Variants in GJA3 observed in about 807,000 individuals in gnomAD.
GJA3 encodes the protein gap junction protein alpha 3, also known as gap junction alpha-3 protein.
For missense variants in GJA3, 571 were observed against 620.3 expected (o/e 0.92, Z 0.84); for synonymous variants, 297 against 292.6 (o/e 1.02, Z -0.15).
rs1958811917 is a variant in GJA3 at position 20,142,200 on chromosome 13, C to T, written c.1089G>A (p.Ala363=). Residue 363 remains alanine, a synonymous_variant, in exon 2 of 2, where the codon GCG becomes GCA. Coordinates refer to ENST00000241125, the MANE Select transcript of GJA3 (RefSeq NM_021954.4). Reference sequence around the variant, plus strand: ...GCGCCGCGCCCGCCTCAGCCTCGTGCGCGAGTGGCGGGGAGCTGCTGCCGA... The same window carrying T: ...GCGCCGCGCCCGCCTCAGCCTCGTGTGCGAGTGGCGGGGAGCTGCTGCCGA... ...SPVGSSSPPL[A]HEAEAGAAPL... 4 of 1,519,768 alleles carry T rather than the reference C, an allele frequency of 2.6e-6. No individual in the cohort carries two copies. The highest frequency in any genetic ancestry group is 1.2e-5 in the South Asian group (1 of 81,010). The allele number at this position is 1,519,768 out of a possible 1,614,324, so 94.1% of individuals were successfully genotyped here.
Position 20,141,721 on chromosome 13 carries a change from T to A in GJA3, c.*260A>T. The A allele has an allele frequency of 3.8e-6, 2 of 525,924 alleles. No homozygotes were observed. The highest frequency in any genetic ancestry group is 6.6e-6 in the Non-Finnish European group (2 of 304,396). 32.6% of individuals were successfully genotyped at this position (525,924 alleles called of 1,614,324 possible). On this transcript the variant is annotated 3_prime_UTR_variant, in exon 2 of 2. Coordinates refer to ENST00000241125, the MANE Select transcript of GJA3 (RefSeq NM_021954.4). ...CCAGATTTCTGGGCTGCTGTGAAGA[T>A]CTTAAAGGCCCACAACCCTTGTCCC...
chr13:20,154,932 C>T (rs1958899244), intron 1 of GJA3, among the ~76,000 whole-genome samples: 1 of 152,188 alleles, frequency 6.6e-6, no homozygotes. Flanking sequence ...CTCACTGTAA[C>T]TTTGAACTAC....
rs1421749535 is a variant in GJA3, at chr13:20,141,822, C to T, written c.*159G>A. On this transcript the variant is annotated 3_prime_UTR_variant, in exon 2 of 2. Transcript: ENST00000241125. ...TGCTAAGAACAGCAAGCATTGAACA[C>T]GGAAACCTGATCTCTCCTCCATCGT... The T allele has an allele frequency of 1.3e-5, 14 of 1,091,600 alleles. No individual in the cohort carries two copies. In the South Asian group the frequency reaches 2.0e-4, roughly 15 times the overall value. The allele number at this position is 1,091,600 out of a possible 1,614,324, so 67.6% of individuals were successfully genotyped here. A position where few individuals can be genotyped will look rare whatever the true frequency, so the allele number is the denominator to read the frequency against.
chr13:20,149,438 T>C (rs571102534), intron 1 of GJA3, among the ~76,000 whole-genome samples: 1 of 152,214 alleles, frequency 6.6e-6, no homozygotes, highest in South Asian at 2.1e-4. Context: ...TGAGCCATGA[T>C]TGTGCCACTG....
chr13:20,155,880 T>C (rs1958904251), intron 1 of GJA3, among the ~76,000 whole-genome samples: 1 of 152,098 alleles, frequency 6.6e-6, no homozygotes, highest in African/African-American at 2.4e-5. Context: ...GGTTTCCATT[T>C]CTAATTTACA....
At position 20,141,508 on chromosome 13, in the gene GJA3, C is replaced by T. The variant is rs1324665829; in HGVS notation, c.*473G>A. On this transcript the variant is annotated 3_prime_UTR_variant, in exon 2 of 2. Transcript: ENST00000241125. Reference sequence around the variant, plus strand: ...GGCAAATATCCCAAATGAAATTCAACTCTAAGTTAAAAGTATCAAAGAGAT... The same window carrying T: ...GGCAAATATCCCAAATGAAATTCAATTCTAAGTTAAAAGTATCAAAGAGAT... The T allele has an allele frequency of 6.5e-6, 1 of 153,640 alleles. No individual in the cohort carries two copies. The highest frequency in any genetic ancestry group is 1.5e-5 in the Non-Finnish European group (1 of 68,870). The allele number at this position is 153,640 out of a possible 1,614,324, so 9.5% of individuals were successfully genotyped here.
In GJA3 at chr13:20,142,105, T is replaced by C. The variant is rs1278880261; in HGVS notation, c.1184A>G (p.Glu395Gly). The C allele has an allele frequency of 6.5e-7, 1 of 1,547,396 alleles. No homozygotes were observed. Among genetic ancestry groups the C allele is most frequent in the Admixed American group, 2.0e-5 (1 of 50,906 alleles). ...CTGGGCCGCGGTGGTCACGGCCTGCTCCTCCTCCTCGGGGGTCCCTGCCAG... is the reference window on the plus strand; with the variant it reads ...CTGGGCCGCGGTGGTCACGGCCTGCCCCTCCTCCTCGGGGGTCCCTGCCAG... ...SALAGTPEEEEQAVTTAAQMH... is the reference protein window; with the variant it reads ...SALAGTPEEEGQAVTTAAQMH... Residue 395 changes from glutamate (E) to glycine (G), a missense_variant, in exon 2 of 2, where the codon GAG (glutamate) becomes GGG (glycine). Coordinates refer to ENST00000241125, the MANE Select transcript of GJA3 (RefSeq NM_021954.4).
At chr13:20,161,346 A>G (rs1593342470), upstream of GJA3, among the ~76,000 whole-genome samples, 1 of 151,802 alleles carries the variant, frequency 6.6e-6, no homozygotes, top group East Asian at 2.0e-4. Flanking sequence ...GCGGGACGTG[A>G]GAGGAGAGCC....
intron 1 of GJA3, among the ~76,000 whole-genome samples, chr13:20,145,103 A>G (rs1247299508): frequency 6.6e-6 from 1 of 152,066 alleles, no homozygotes; most frequent in Non-Finnish European, 1.5e-5. Flanking sequence ...AATTGCTTGA[A>G]CCTGGAAGGC....
At chr13:20,147,545 A>G (rs1446789119) in intron 1 of GJA3, among the ~76,000 whole-genome samples, 2 of 152,194 alleles carry the variant, frequency 1.3e-5, no homozygotes, top group Non-Finnish European at 1.5e-5. Context: ...GATACCAGCT[A>G]TTTTATACAC....
rs1593333977 is a variant in GJA3, at chr13:20,142,960, T to C, written c.329A>G (p.Glu110Gly). The change falls in exon 2 of 2, where the codon GAG (glutamate) becomes GGG (glycine). Residue 110 changes from glutamate (E) to glycine (G), a missense_variant. Physicochemically the swap from Glu to Gly is moderately conservative, Grantham distance 98 (BLOSUM62 -2). Coordinates refer to ENST00000241125, the MANE Select transcript of GJA3 (RefSeq NM_021954.4). ...CTCTCTCTTCAGCTGCTCCTCCTCC[T>C]CCCTCTCTTTCTTCTTCTCTTCCAT... ...VRMEEKKKER[E>G]EEEQLKRESP... 1 of 1,580,330 alleles carries C rather than the reference T, an allele frequency of 6.3e-7. No individual in the cohort carries two copies. The highest frequency in any genetic ancestry group is 8.6e-7 in the Non-Finnish European group (1 of 1,163,094).
At position 20,139,985 on chromosome 13, in the gene GJA3, G is replaced by A. The variant is rs887875804; in HGVS notation, c.*1996C>T. On this transcript the variant is annotated 3_prime_UTR_variant, in exon 2 of 2. Coordinates refer to ENST00000241125, the MANE Select transcript of GJA3 (RefSeq NM_021954.4). ...TCTAAAATGGCCAAAGCTTTTTATC[G>A]GAATGCTTCTCACACTAGGATCTTC... 6.6e-5 allele frequency: 10 copies of A among 152,054 alleles called. No homozygotes were observed. Among genetic ancestry groups the A allele is most frequent in the Middle Eastern group, 3.2e-3 (1 of 316 alleles). 9.4% of individuals were successfully genotyped at this position (152,054 alleles called of 1,614,324 possible).
intron 1 of GJA3, among the ~76,000 whole-genome samples, chr13:20,152,509 T>C (rs938031546): frequency 1.3e-5 from 2 of 152,066 alleles, no homozygotes; most frequent in Admixed American, 6.6e-5. Flanking sequence ...CTCAGCCTCA[T>C]GAGTAGCTGG....
At position 20,141,535 on chromosome 13, in the gene GJA3, G is replaced by A. The variant is rs1958806914; in HGVS notation, c.*446C>T. The A allele has an allele frequency of 1.3e-5, 2 of 157,822 alleles. No homozygotes were observed. The highest frequency in any genetic ancestry group is 4.1e-4 in the South Asian group (2 of 4,906). 9.8% of individuals were successfully genotyped at this position (157,822 alleles called of 1,614,324 possible). A position where few individuals can be genotyped will look rare whatever the true frequency, so the allele number is the denominator to read the frequency against. Reference sequence around the variant, plus strand: ...CTAAGTTAAAAGTATCAAAGAGATAGAGCTAAGTGCTCTGGCCCAGAGCTA... The same window carrying A: ...CTAAGTTAAAAGTATCAAAGAGATAAAGCTAAGTGCTCTGGCCCAGAGCTA... On this transcript the variant is annotated 3_prime_UTR_variant, in exon 2 of 2. Coordinates refer to ENST00000241125, the MANE Select transcript of GJA3 (RefSeq NM_021954.4).
intron 1 of GJA3, among the ~76,000 whole-genome samples, chr13:20,148,299 T>G (rs1487383170): frequency 7.1e-6 from 1 of 140,324 alleles, no homozygotes; most frequent in Non-Finnish European, 1.5e-5. Context: ...ATTCTGTCGC[T>G]CAGGCTAAGG....
At chr13:20,156,753 T>A (rs1958909118) in intron 1 of GJA3, among the ~76,000 whole-genome samples, 1 of 152,240 alleles carries the variant, frequency 6.6e-6, no homozygotes, top group South Asian at 2.1e-4. Context: ...AATACTTGAA[T>A]AAATATTCCC....
chr13:20,159,102 G>A (rs527732400), intron 1 of GJA3, among the ~76,000 whole-genome samples: 1 of 151,894 alleles, frequency 6.6e-6, no homozygotes, highest in Admixed American at 6.5e-5. Flanking sequence ...AGACATATAT[G>A]CTGTTGTCAC....
intron 1 of GJA3, among the ~76,000 whole-genome samples, chr13:20,153,952 G>A (rs1229404419): frequency 1.3e-5 from 2 of 152,098 alleles, no homozygotes; most frequent in African/African-American, 4.8e-5. Context: ...TTTCGTCTCC[G>A]GAAGAAAATG....
At chr13:20,160,406 G>A (rs983534754) in intron 1 of GJA3, among the ~76,000 whole-genome samples, 28 of 152,222 alleles carry the variant, frequency 1.8e-4, no homozygotes, top group Admixed American at 1.3e-4. Flanking sequence ...GGAGCACGGC[G>A]ATGCTGAATG....
Sources: allele counts gnomAD v4.1 joint callset (sites outside exome capture counted in the v4.1 genomes callset), GRCh38; gene constraint gnomAD v4.1.1; transcripts MANE v1.5; gene names NCBI Gene and HGNC (gene_info 2026-07-23, HGNC 2026-07-21).